Variants in ZNF407 observed in about 807,000 individuals in gnomAD.
ZNF407 encodes zinc finger protein 407.
Under a neutral mutation model 131.2 loss-of-function variants are expected in ZNF407, and 17 were observed. That is an observed-to-expected ratio of 0.13 (90% CI 0.09 to 0.19). ZNF407 has a LOEUF of 0.19. Ranked by LOEUF, ZNF407 falls within the 10% of genes least tolerant of loss-of-function variation. The probability of loss-of-function intolerance (pLI) is 1.00; values close to 1 mark genes in which losing one functional copy is unlikely to be tolerated. For synonymous variants in ZNF407, 1,156 were observed against 1,062.0 expected (o/e 1.09, Z -1.72); for missense variants, 2,681 against 2,830.6 (o/e 0.95, Z 1.20).
At chr18:74,625,993 A>G (rs562280043) in intron 1 of ZNF407, among the ~76,000 whole-genome samples, 1 of 152,366 alleles carries the variant, frequency 6.6e-6, no homozygotes, top group South Asian at 2.1e-4. Context: ...AGACACCATT[A>G]ATCAAATGAG....
At chr18:74,669,200 G>T (rs1430802658) in intron 3 of ZNF407, among the ~76,000 whole-genome samples, 2 of 152,198 alleles carry the variant, frequency 1.3e-5, no homozygotes, top group Non-Finnish European at 2.9e-5. Context: ...TGTCACGCTT[G>T]TGCCCACAGG....
chr18:74,701,486 C>T (rs28393101), intron 3 of ZNF407, among the ~76,000 whole-genome samples: 14,314 of 152,058 alleles, frequency 0.094, 993 homozygotes, highest in African/African-American at 0.2. Context: ...TGTATGTATA[C>T]CATAGACAGA....
At chr18:74,604,722 GT>G (rs1982725985) in intron 1 of ZNF407, among the ~76,000 whole-genome samples, 1 of 152,208 alleles carries the variant, frequency 6.6e-6, no homozygotes, top group African/African-American at 2.4e-5. Context: ...CAATAATAAT[GT>G]TTTTGAGTTC....
At chr18:74,896,905 C>A (rs1292525432) in intron 7 of ZNF407, among the ~76,000 whole-genome samples, 1 of 152,114 alleles carries the variant, frequency 6.6e-6, no homozygotes, top group Non-Finnish European at 1.5e-5. Flanking sequence ...TGAGTTCTTC[C>A]TGAATGAAAT....
At chr18:74,872,588 C>T (rs946953145) in intron 4 of ZNF407, among the ~76,000 whole-genome samples, 2 of 151,374 alleles carry the variant, frequency 1.3e-5, no homozygotes, top group African/African-American at 2.4e-5. Flanking sequence ...ATGGTGAAAC[C>T]CTCTACTAAA....
At chr18:74,909,915 G>A (rs1971646646) in intron 7 of ZNF407, among the ~76,000 whole-genome samples, 1 of 152,246 alleles carries the variant, frequency 6.6e-6, no homozygotes, top group East Asian at 1.9e-4. Context: ...TTCTAAAAAA[G>A]TATTTCCAGA....
intron 8 of ZNF407, among the ~76,000 whole-genome samples, chr18:74,945,472 C>T (rs952049545): frequency 6.6e-6 from 1 of 152,080 alleles, no homozygotes; most frequent in Non-Finnish European, 1.5e-5. Flanking sequence ...AGTTTGGCTT[C>T]TCAAAAAGGA....
chr18:75,024,828 A>G (rs1973152566), intron 8 of ZNF407, among the ~76,000 whole-genome samples: 1 of 152,192 alleles, frequency 6.6e-6, no homozygotes, highest in African/African-American at 2.4e-5. Flanking sequence ...TGGTTCAATA[A>G]TTATCTGAAA....
At chr18:74,970,587 A>G (rs545536384) in intron 8 of ZNF407, among the ~76,000 whole-genome samples, 160 of 152,332 alleles carry the variant, frequency 1.1e-3, no homozygotes, top group Non-Finnish European at 1.3e-3. Flanking sequence ...CTTTGACTCC[A>G]TGTCTCACAT....
chr18:74,976,375 T>G (rs968261601), intron 8 of ZNF407, among the ~76,000 whole-genome samples: 1 of 152,234 alleles, frequency 6.6e-6, no homozygotes, highest in African/African-American at 2.4e-5. Context: ...GATGTTTGCT[T>G]CTATACGAAG....
At chr18:74,762,672 G>A (rs1356431565) in intron 3 of ZNF407, among the ~76,000 whole-genome samples, 1 of 151,452 alleles carries the variant, frequency 6.6e-6, no homozygotes, top group African/African-American at 2.4e-5. Flanking sequence ...TGAATGGAAT[G>A]ATATAGTTTG....
chr18:74,857,149 C>T (rs917885476), intron 4 of ZNF407, among the ~76,000 whole-genome samples: 1 of 152,180 alleles, frequency 6.6e-6, no homozygotes, highest in African/African-American at 2.4e-5. Flanking sequence ...ATGGGCAAGG[C>T]CGATTTAAAC....
At chr18:74,918,414 G>A (rs1190577887) in intron 7 of ZNF407, among the ~76,000 whole-genome samples, 1 of 152,192 alleles carries the variant, frequency 6.6e-6, no homozygotes, top group Non-Finnish European at 1.5e-5. Context: ...TGACCTCAGA[G>A]GGTCATGCTT....
intron 4 of ZNF407, among the ~76,000 whole-genome samples, chr18:74,800,088 A>G (rs1394525205): frequency 1.3e-5 from 2 of 151,966 alleles, no homozygotes; most frequent in Non-Finnish European, 2.9e-5. Flanking sequence ...GAGTCCAAAG[A>G]CAATTCTTTG....
chr18:74,722,963 G>A (rs969581752), intron 3 of ZNF407, among the ~76,000 whole-genome samples: 2 of 151,872 alleles, frequency 1.3e-5, no homozygotes, highest in Admixed American at 6.6e-5. Flanking sequence ...TAGACCTCTT[G>A]TAATTATTTC....
chr18:74,985,524 G>A (rs1476423237), intron 8 of ZNF407, among the ~76,000 whole-genome samples: 1 of 152,078 alleles, frequency 6.6e-6, no homozygotes, highest in Non-Finnish European at 1.5e-5. Flanking sequence ...TTATCCTTAG[G>A]GAAAGCAAAC....
At chr18:74,846,789 C>T (rs1970709277) in intron 4 of ZNF407, among the ~76,000 whole-genome samples, 1 of 151,700 alleles carries the variant, frequency 6.6e-6, no homozygotes, top group Non-Finnish European at 1.5e-5. Flanking sequence ...GTCAGGAGTT[C>T]GAGACCAGCC....
intron 3 of ZNF407, among the ~76,000 whole-genome samples, chr18:74,777,686 A>G (rs1160502491): frequency 6.6e-6 from 1 of 152,096 alleles, no homozygotes; most frequent in Non-Finnish European, 1.5e-5. Context: ...CCAGGTCACT[A>G]TCATCTTTGC....
chr18:75,036,891 T>A (rs997092427), intron 8 of ZNF407, among the ~76,000 whole-genome samples: 2 of 152,244 alleles, frequency 1.3e-5, no homozygotes, highest in African/African-American at 4.8e-5. Flanking sequence ...ATTTCCACTC[T>A]TTTGGGGTTG....
Sources: gnomAD v4.1 joint callset for allele counts (sites outside exome capture counted in the v4.1 genomes callset) on GRCh38, gnomAD v4.1.1 for gene constraint, MANE v1.5 for transcripts, NCBI Gene and HGNC (gene_info 2026-07-23, HGNC 2026-07-21) for gene names.